The following GLMN variants were observed in gnomAD, a reference collection of about 807,000 sequenced individuals.
GLMN encodes glomulin.
GLMN carries 75 observed loss-of-function variants against 87.8 expected under a neutral mutation model. The ratio of observed to expected loss-of-function variants is 0.85; its 90% CI spans 0.71 to 1.04. GLMN has a LOEUF of 1.04. GLMN is among the 50% of genes least tolerant of loss of function. The pLI, the probability that GLMN is intolerant of heterozygous loss-of-function variation, is 0.00. For synonymous variants in GLMN, 206 were observed against 221.6 expected, an observed-to-expected ratio of 0.93 and a Z score of 0.63; for missense variants, 588 against 658.8, an observed-to-expected ratio of 0.89 and a Z score of 1.18.
the GLMN span, among the ~76,000 whole-genome samples, chr1:92,361,842 G>A: frequency 1.5e-5 from 2 of 132,068 alleles, no homozygotes; most frequent in Admixed American, 7.6e-5. Context: ...TTCCATGGAC[G>A]TAACTGTTTT....
At chr1:92,269,122 G>A (rs1214712749) in intron 9 of GLMN, among the ~76,000 whole-genome samples, 5 of 150,922 alleles carry the variant, frequency 3.3e-5, no homozygotes, top group Non-Finnish European at 5.9e-5. Context: ...GACTGGTTTC[G>A]AACTCCTGGG....
At position 92,262,856 on chromosome 1, in the gene GLMN, C is replaced by T. The variant is rs1168323832; in HGVS notation, c.1473+7G>A. ...ACTCACAGTTTCTTTTCAAATACTTCACTTACTTGATTGTCATTTTCATTA... is the reference window on the plus strand; with the variant it reads ...ACTCACAGTTTCTTTTCAAATACTTTACTTACTTGATTGTCATTTTCATTA... On this transcript the variant is annotated splice_region_variant and intron_variant, in intron 16 of 18. Transcript: ENST00000370360. 4 of 1,066,596 alleles carry T rather than the reference C, an allele frequency of 3.8e-6. No individual in the cohort carries two copies. Among genetic ancestry groups the T allele is most frequent in the Non-Finnish European group, 5.8e-6 (4 of 686,078 alleles). 66.1% of individuals were successfully genotyped at this position (1,066,596 alleles called of 1,614,324 possible).
chr1:92,361,902 G>A, the GLMN span, among the ~76,000 whole-genome samples: 11 of 152,142 alleles, frequency 7.2e-5, no homozygotes, highest in Admixed American at 2.0e-4. Context: ...TTAATCACCA[G>A]GTCGATAGAG....
the GLMN span, among the ~76,000 whole-genome samples, chr1:92,308,233 A>G: frequency 6.6e-6 from 1 of 152,206 alleles, no homozygotes; most frequent in Non-Finnish European, 1.5e-5. Context: ...GGATATGGAA[A>G]ACTTAACACT....
At chr1:92,299,055 C>G (rs1008327817), upstream of GLMN, 15 of 1,437,034 alleles carry the variant, frequency 1.0e-5, no homozygotes, top group South Asian at 1.4e-5. Context: ...TGTCCCCGTC[C>G]GGCAGACTAC....
At chr1:92,327,317 CTG>C in the GLMN span, among the ~76,000 whole-genome samples, 2 of 152,042 alleles carry the variant, frequency 1.3e-5, no homozygotes, top group African/African-American at 2.4e-5. Flanking sequence ...CTCGTAGTAA[CTG>C]TTTTATAAAT....
the GLMN span, among the ~76,000 whole-genome samples, chr1:92,351,701 A>C: frequency 6.6e-6 from 1 of 152,138 alleles, no homozygotes; most frequent in Admixed American, 6.5e-5. Flanking sequence ...GTCCAGACCA[A>C]AACTGGCAGC....
chr1:92,345,948 T>A, the GLMN span: 1 of 1,413,068 alleles, frequency 7.1e-7, no homozygotes, highest in East Asian at 2.3e-5. Context: ...CTCTAAATAC[T>A]AAATGTGAAG....
chr1:92,352,303 C>A, the GLMN span, among the ~76,000 whole-genome samples: 1 of 152,174 alleles, frequency 6.6e-6, no homozygotes, highest in African/African-American at 2.4e-5. Context: ...TCAACTTGAC[C>A]ATGATCGCTA....
At chr1:92,251,838 C>CA (rs2100793132) in intron 16 of GLMN, among the ~76,000 whole-genome samples, 1 of 150,518 alleles carries the variant, frequency 6.6e-6, no homozygotes, top group Non-Finnish European at 1.5e-5. Context: ...CTCTGTTGCC[C>CA]AGGCTGGAGT....
chr1:92,294,410 G>A (rs1649789744), intron 3 of GLMN, among the ~76,000 whole-genome samples: 1 of 152,084 alleles, frequency 6.6e-6, no homozygotes, highest in African/African-American at 2.4e-5. Flanking sequence ...CCCAGTGGAT[G>A]CCTGAAACCA....
the GLMN span, among the ~76,000 whole-genome samples, chr1:92,355,254 C>T: frequency 6.6e-6 from 1 of 152,112 alleles, no homozygotes; most frequent in South Asian, 2.1e-4. Flanking sequence ...AACTCAGTCT[C>T]ATTCTGGATA....
At chr1:92,340,454 A>T in the GLMN span, among the ~76,000 whole-genome samples, 23 of 152,342 alleles carry the variant, frequency 1.5e-4, no homozygotes, top group African/African-American at 5.0e-4. Context: ...AGTGGGAAAG[A>T]GTTGACATAA....
intron 1 of GLMN, 32 bp downstream of exon 1, chr1:92,298,893 G>A (rs1217922351): frequency 7.3e-6 from 3 of 409,514 alleles, no homozygotes; most frequent in Admixed American, 4.4e-5. Context: ...GCGAGCCCTG[G>A]CCACCCTGAA....
the GLMN span, among the ~76,000 whole-genome samples, chr1:92,361,806 A>C: frequency 6.6e-6 from 1 of 152,082 alleles, no homozygotes; most frequent in African/African-American, 2.4e-5. Flanking sequence ...TTGATTCAAA[A>C]CTTTATTCCA....
the GLMN span, among the ~76,000 whole-genome samples, chr1:92,313,195 G>A: frequency 6.6e-6 from 1 of 152,150 alleles, no homozygotes; most frequent in Admixed American, 6.5e-5. Flanking sequence ...ATCTAGAATG[G>A]TGAATCCTTT....
intron 11 of GLMN, 36 bp downstream of exon 11, chr1:92,267,877 G>A (rs1043538848): frequency 2.1e-6 from 2 of 973,786 alleles, no homozygotes; most frequent in African/African-American, 3.2e-5. Flanking sequence ...ACAGGCAAAG[G>A]GCTATTTTCA....
At chr1:92,328,787 G>T in the GLMN span, among the ~76,000 whole-genome samples, 2 of 152,186 alleles carry the variant, frequency 1.3e-5, no homozygotes, top group African/African-American at 4.8e-5. Context: ...TGAGAAGGAA[G>T]ATCTGGGACT....
intron 16 of GLMN, chr1:92,248,366 C>G (rs1652973266): frequency 5.3e-6 from 1 of 188,756 alleles, no homozygotes; most frequent in Admixed American, 5.8e-5. Flanking sequence ...AATTGATATC[C>G]ACACCACGGA....
Sources: allele counts gnomAD v4.1 joint callset (sites outside exome capture counted in the v4.1 genomes callset), GRCh38; gene constraint gnomAD v4.1.1; transcripts MANE v1.5; gene names NCBI Gene and HGNC (gene_info 2026-07-23, HGNC 2026-07-21).